Variants in CADM2 observed in about 807,000 individuals in gnomAD.
The protein encoded by CADM2 is immunoglobulin superfamily member 4D.
Under a neutral mutation model 49.8 loss-of-function variants are expected in CADM2, and 12 were observed. The ratio of observed to expected loss-of-function variants is 0.24; its 90% CI spans 0.15 to 0.39. CADM2 has a LOEUF of 0.39. Among genes scored for constraint, CADM2 ranks in the 10% least tolerant of loss-of-function variants. The probability of loss-of-function intolerance (pLI) is 1.00; values close to 1 mark genes in which losing one functional copy is unlikely to be tolerated. For missense variants in CADM2, 378 were observed against 492.3 expected (o/e 0.77, Z 2.20); for synonymous variants, 214 against 175.4 (o/e 1.22, Z -1.74).
At chr3:84,984,356 TAAAAAAAAAAAAAAAA>T (rs375702349) in intron 1 of CADM2, among the ~76,000 whole-genome samples, 1 of 67,090 alleles carries the variant, frequency 1.5e-5, no homozygotes, top group Admixed American at 2.0e-4. Context: ...AAGATTAAGC[TAAAAAAAAAAAAAAAA>T]AAAAAAAAAA....
At chr3:85,620,818 A>G (rs948286293) in intron 1 of CADM2, among the ~76,000 whole-genome samples, 2 of 152,112 alleles carry the variant, frequency 1.3e-5, no homozygotes, top group Non-Finnish European at 2.9e-5. Context: ...CAATGCTGCC[A>G]TGTTTTTCTG....
intron 2 of CADM2, among the ~76,000 whole-genome samples, chr3:85,790,109 A>T (rs1018775240): frequency 1.3e-4 from 20 of 152,208 alleles, no homozygotes; most frequent in Non-Finnish European, 2.4e-4. Context: ...CTAATGGGAG[A>T]AATTAGAAAA....
chr3:84,997,601 T>A (rs2033246717), intron 1 of CADM2, among the ~76,000 whole-genome samples: 1 of 152,120 alleles, frequency 6.6e-6, no homozygotes, highest in Admixed American at 6.6e-5. Context: ...TTGTTTTGAT[T>A]TTATATTTAT....
chr3:85,106,771 AG>A (rs1427344091), intron 1 of CADM2, among the ~76,000 whole-genome samples: 2 of 152,072 alleles, frequency 1.3e-5, no homozygotes, highest in Non-Finnish European at 2.9e-5. Flanking sequence ...CAGAATAGGG[AG>A]GGGTAGAGGG....
At chr3:85,021,786 T>A (rs2034523941) in intron 1 of CADM2, among the ~76,000 whole-genome samples, 1 of 151,884 alleles carries the variant, frequency 6.6e-6, no homozygotes, top group Admixed American at 6.6e-5. Context: ...AAAAATAAAT[T>A]AATAAAAACA....
intron 1 of CADM2, among the ~76,000 whole-genome samples, chr3:85,038,645 C>T (rs1412379723): frequency 2.0e-5 from 3 of 152,142 alleles, no homozygotes; most frequent in African/African-American, 7.2e-5. Flanking sequence ...TAGTCTTTGA[C>T]ATTTACTAGC....
intron 1 of CADM2, among the ~76,000 whole-genome samples, chr3:85,678,915 C>T (rs2065961298): frequency 6.6e-6 from 1 of 152,072 alleles, no homozygotes; most frequent in Non-Finnish European, 1.5e-5. Context: ...ATCAGGAATG[C>T]TGCTAAACAT....
At chr3:86,014,801 T>C (rs1428358731) in intron 8 of CADM2, 8 of 1,485,020 alleles carry the variant, frequency 5.4e-6, no homozygotes, top group Non-Finnish European at 7.2e-6. Flanking sequence ...GGAGGAAAGA[T>C]ATAGAGCTTC....
chr3:85,310,701 A>G (rs925177013), intron 1 of CADM2, among the ~76,000 whole-genome samples: 2 of 152,104 alleles, frequency 1.3e-5, no homozygotes, highest in Non-Finnish European at 2.9e-5. Flanking sequence ...ACCTTCTAAA[A>G]TAGAGTGGTT....
At chr3:85,299,678 G>A (rs2044047836) in intron 1 of CADM2, among the ~76,000 whole-genome samples, 1 of 152,012 alleles carries the variant, frequency 6.6e-6, no homozygotes, top group African/African-American at 2.4e-5. Context: ...GGTGTGGGAT[G>A]TGGGTTGTGG....
At chr3:85,195,061 A>G (rs1177281690) in intron 1 of CADM2, among the ~76,000 whole-genome samples, 1 of 152,058 alleles carries the variant, frequency 6.6e-6, no homozygotes, top group Non-Finnish European at 1.5e-5. Context: ...AACTTTGAGA[A>G]GCAGTTTAAA....
intron 1 of CADM2, among the ~76,000 whole-genome samples, chr3:85,331,790 C>A (rs1048963662): frequency 3.9e-5 from 6 of 151,994 alleles, no homozygotes; most frequent in African/African-American, 1.4e-4. Flanking sequence ...TTCATTACGG[C>A]CTGTCTTTTG....
chr3:85,141,908 C>T (rs1289167071), intron 1 of CADM2, among the ~76,000 whole-genome samples: 3 of 152,120 alleles, frequency 2.0e-5, no homozygotes, highest in Non-Finnish European at 4.4e-5. Context: ...TTATTTGTTG[C>T]TCAAGCTAGA....
chr3:85,791,787 G>A (rs763785866), intron 2 of CADM2, among the ~76,000 whole-genome samples: 4 of 151,946 alleles, frequency 2.6e-5, no homozygotes, highest in Admixed American at 6.6e-5. Context: ...ACAGTGGCAC[G>A]AACTTGGCTC....
intron 1 of CADM2, among the ~76,000 whole-genome samples, chr3:85,028,551 A>C (rs181382149): frequency 6.6e-6 from 1 of 152,274 alleles, no homozygotes; most frequent in Admixed American, 6.5e-5. Flanking sequence ...AATTTATCTT[A>C]TTTCAAAATT....
At chr3:85,914,855 T>C (rs1718074024) in intron 6 of CADM2, among the ~76,000 whole-genome samples, 1 of 152,150 alleles carries the variant, frequency 6.6e-6, no homozygotes, top group African/African-American at 2.4e-5. Context: ...AGCATGTCAG[T>C]GATGGGTGTA....
chr3:85,966,839 G>A lies in CADM2; in HGVS notation c.970+5192G>A, dbSNP rs186440903. ...TATGATACTGCTTTTTATGTTTCCA[G>A]GATAATTTACTTCAGAAGTAACATA... is the stretch of plus-strand genomic sequence containing the variant. On this transcript the variant is annotated intron_variant, in intron 8 of 9. Coordinates refer to ENST00000383699, the MANE Select transcript of CADM2 (RefSeq NM_001167675.2). 3.7e-3 allele frequency among the ~76,000 whole-genome samples: 559 copies of A among 151,616 alleles called. 2 individuals carry two copies. The highest frequency in any genetic ancestry group is 0.013 in the African/African-American group (536 of 41,452).
At chr3:85,972,134 C>G (rs546400147) in intron 8 of CADM2, among the ~76,000 whole-genome samples, 1 of 151,596 alleles carries the variant, frequency 6.6e-6, no homozygotes, top group Non-Finnish European at 1.5e-5. Context: ...CTGTTATCCA[C>G]TTTTACACTG....
chr3:85,496,307 T>C (rs1221633350), intron 1 of CADM2, among the ~76,000 whole-genome samples: 1 of 152,208 alleles, frequency 6.6e-6, no homozygotes, highest in Non-Finnish European at 1.5e-5. Context: ...TGATTTTCTG[T>C]TTCTGTGTTA....
Sources: gnomAD v4.1 joint callset for allele counts (sites outside exome capture counted in the v4.1 genomes callset) on GRCh38, gnomAD v4.1.1 for gene constraint, MANE v1.5 for transcripts, NCBI Gene and HGNC (gene_info 2026-07-23, HGNC 2026-07-21) for gene names.